Variants in SAMD4A observed in about 807,000 individuals in gnomAD.
The protein encoded by SAMD4A is protein Smaug homolog 1.
A neutral mutation model predicts 81.3 loss-of-function variants in SAMD4A; 33 were observed. That is an observed-to-expected ratio of 0.41 (90% CI 0.31 to 0.54). SAMD4A has a LOEUF of 0.54. Ranked by LOEUF, SAMD4A falls within the 20% of genes least tolerant of loss-of-function variation. SAMD4A has a pLI of 0.37. For synonymous variants in SAMD4A, 389 were observed against 382.1 expected (o/e 1.02, Z -0.21); for missense variants, 854 against 951.1 (o/e 0.90, Z 1.34).
At chr14:54,764,809 C>T (rs2038493770) in intron 8 of SAMD4A, among the ~76,000 whole-genome samples, 1 of 152,212 alleles carries the variant, frequency 6.6e-6, no homozygotes, top group African/African-American at 2.4e-5. Flanking sequence ...GAAGCAGCCC[C>T]GGGTGGCCAA....
intron 4 of SAMD4A, among the ~76,000 whole-genome samples, chr14:54,745,641 A>G (rs1342621391): frequency 1.3e-5 from 2 of 152,224 alleles, no homozygotes; most frequent in African/African-American, 2.4e-5. Flanking sequence ...TAGGCATGCA[A>G]TAAATGTTGA....
At chr14:54,712,749 G>A (rs1222508175) in intron 3 of SAMD4A, among the ~76,000 whole-genome samples, 1 of 152,200 alleles carries the variant, frequency 6.6e-6, no homozygotes, top group Non-Finnish European at 1.5e-5. Flanking sequence ...TCCATGGGCT[G>A]CATGCACCTT....
chr14:54,568,320 A>T (rs2033012676), intron 2 of SAMD4A, among the ~76,000 whole-genome samples: 1 of 143,430 alleles, frequency 7.0e-6, no homozygotes, highest in Admixed American at 6.9e-5. Flanking sequence ...CCGCTTTGGG[A>T]TTTTGCCCAC....
intron 2 of SAMD4A, among the ~76,000 whole-genome samples, chr14:54,592,800 AATC>A (rs1468297226): frequency 6.6e-6 from 1 of 152,166 alleles, no homozygotes; most frequent in Non-Finnish European, 1.5e-5. Flanking sequence ...AAAAGAAGAA[AATC>A]ATCATCATTG....
chr14:54,770,921 A>G (rs892236817), intron 9 of SAMD4A, among the ~76,000 whole-genome samples: 2 of 152,230 alleles, frequency 1.3e-5, no homozygotes, highest in Non-Finnish European at 2.9e-5. Flanking sequence ...TTGTTGGGAC[A>G]TAAGGGAATG....
At chr14:54,600,777 A>G (rs1032436624) in intron 2 of SAMD4A, among the ~76,000 whole-genome samples, 2 of 152,250 alleles carry the variant, frequency 1.3e-5, no homozygotes, top group African/African-American at 2.4e-5. Flanking sequence ...GACACAGTAC[A>G]TTGAAATGTT....
intron 2 of SAMD4A, among the ~76,000 whole-genome samples, chr14:54,684,160 C>T (rs745791770): frequency 3.3e-5 from 5 of 152,122 alleles, no homozygotes; most frequent in Non-Finnish European, 7.4e-5. Context: ...TTCAAGGGTG[C>T]TACCTTAAAG....
chr14:54,567,541 C>G lies in SAMD4A; in HGVS notation c.-376C>G, dbSNP rs938383436. 2 of 246,540 alleles carry G rather than the reference C, an allele frequency of 8.1e-6. No homozygotes were observed. Among genetic ancestry groups the G allele is most frequent in the Non-Finnish European group, 1.6e-5 (2 of 127,458 alleles). The allele number at this position is 246,540 out of a possible 1,614,324, so 15.3% of individuals were successfully genotyped here. On this transcript the variant is annotated 5_prime_UTR_variant, in exon 2 of 13. Coordinates refer to ENST00000554335, the MANE Select transcript of SAMD4A (RefSeq NM_015589.6). ...TGCGGGCGTGAAGGGTCCGAGTTGC[C>G]GCCCAGCGGGGAGGAGACCCCAGGA... is the stretch of plus-strand genomic sequence containing the variant.
At chr14:54,737,420 C>T (rs531414896) in intron 4 of SAMD4A, 133 bp downstream of exon 4, 1 of 1,063,176 alleles carries the variant, frequency 9.4e-7, no homozygotes, top group East Asian at 2.5e-5. Flanking sequence ...TTTGATCTGT[C>T]CCTTCCAGAA....
chr14:54,636,921 TAA>T (rs1010568963), intron 2 of SAMD4A, among the ~76,000 whole-genome samples: 1 of 152,102 alleles, frequency 6.6e-6, no homozygotes, highest in African/African-American at 2.4e-5. Context: ...GTCTGGAATT[TAA>T]AAGAGACCGA....
intron 2 of SAMD4A, among the ~76,000 whole-genome samples, chr14:54,637,786 A>G (rs1319182144): frequency 6.6e-6 from 1 of 152,220 alleles, no homozygotes; most frequent in African/African-American, 2.4e-5. Flanking sequence ...TACTAGTTAC[A>G]TTAAATCAGT....
chr14:54,784,847 TGA>T (rs1300989473), intron 12 of SAMD4A, among the ~76,000 whole-genome samples: 1 of 151,860 alleles, frequency 6.6e-6, no homozygotes, highest in Non-Finnish European at 1.5e-5. Flanking sequence ...TTCTGGGAGG[TGA>T]GTCAGGGACC....
chr14:54,714,528 G>T (rs1055565500), intron 3 of SAMD4A, among the ~76,000 whole-genome samples: 4 of 152,142 alleles, frequency 2.6e-5, no homozygotes, highest in African/African-American at 9.7e-5. Context: ...CAGCTGGTGG[G>T]AGCAGAAGGG....
chr14:54,772,363 C>G (rs1349101690), intron 9 of SAMD4A, among the ~76,000 whole-genome samples: 2 of 152,108 alleles, frequency 1.3e-5, no homozygotes, highest in East Asian at 3.9e-4. Flanking sequence ...CTTAAGTAAC[C>G]CAAGCATTCA....
At chr14:54,638,818 C>G (rs1280699078) in intron 2 of SAMD4A, among the ~76,000 whole-genome samples, 1 of 152,162 alleles carries the variant, frequency 6.6e-6, no homozygotes, top group Non-Finnish European at 1.5e-5. Flanking sequence ...TTGAAAAGTT[C>G]ATTTTATTAC....
intron 2 of SAMD4A, among the ~76,000 whole-genome samples, chr14:54,639,124 A>G (rs1157295040): frequency 2.6e-5 from 4 of 152,206 alleles, no homozygotes; most frequent in Non-Finnish European, 1.5e-5. Flanking sequence ...AAATTACTTT[A>G]ATCCCTCCAA....
chr14:54,673,329 A>G (rs778954924), intron 2 of SAMD4A, among the ~76,000 whole-genome samples: 18 of 152,242 alleles, frequency 1.2e-4, no homozygotes, highest in Non-Finnish European at 2.4e-4. Flanking sequence ...GTAAGAAAGA[A>G]TGAGATCATA....
intron 2 of SAMD4A, 113 bp downstream of exon 2, chr14:54,568,225 TG>T: frequency 1.0e-6 from 1 of 990,374 alleles, no homozygotes; most frequent in Non-Finnish European, 1.4e-6. Context: ...CGCCGGGACC[TG>T]GACGGCGTGG....
At chr14:54,757,323 G>A (rs2038265038) in intron 6 of SAMD4A, among the ~76,000 whole-genome samples, 2 of 151,604 alleles carry the variant, frequency 1.3e-5, no homozygotes, top group Non-Finnish European at 2.9e-5. Context: ...CATGATTCCT[G>A]GGAAGTTATA....
Sources: allele counts gnomAD v4.1 joint callset (sites outside exome capture counted in the v4.1 genomes callset), GRCh38; gene constraint gnomAD v4.1.1; transcripts MANE v1.5; gene names NCBI Gene and HGNC (gene_info 2026-07-23, HGNC 2026-07-21).